The following FAAH2 variants were observed in gnomAD, a reference collection of about 807,000 sequenced individuals.
The protein encoded by FAAH2 is fatty acid amide hydrolase 2.
FAAH2 carries 60 observed loss-of-function variants against 36.9 expected under a neutral mutation model. That is an observed-to-expected ratio of 1.63 (90% confidence interval 1.32 to 2.02). The LOEUF (loss-of-function observed/expected upper bound fraction) is 2.02. Ranked by LOEUF, FAAH2 falls within the 30% of genes most tolerant of loss-of-function variation. The pLI, the probability that FAAH2 is intolerant of heterozygous loss-of-function variation, is 0.00. For synonymous variants in FAAH2, 214 were observed against 143.8 expected, an observed-to-expected ratio of 1.49 and a Z score of -3.49; for missense variants, 689 against 397.5, an observed-to-expected ratio of 1.73 and a Z score of -6.23.
At chrX:57,225,462 T>A in the FAAH2 span, among the ~76,000 whole-genome samples, 3 of 112,217 alleles carry the variant, frequency 2.7e-5, no homozygotes, top group African/African-American at 9.7e-5. Context: ...AAAGTCCTTT[T>A]GGAGTTCATT....
At chrX:57,419,806 T>G (rs1188800940) in intron 7 of FAAH2, among the ~76,000 whole-genome samples, 1 of 111,978 alleles carries the variant, frequency 8.9e-6, no homozygotes, top group East Asian at 2.8e-4. Context: ...GCCTATGTCC[T>G]GAATGGTAAT....
Position 57,384,823 on chromosome X carries a change from G to A in FAAH2, c.996+3794G>A, listed in dbSNP as rs181183543. 2.2e-4 allele frequency among the ~76,000 whole-genome samples: 24 copies of A among 111,399 alleles called. No homozygotes were observed. In the East Asian group the frequency reaches 6.5e-3, roughly 30 times the overall value. ...CATTTGACCCAGCCATCCCATTAGT[G>A]GGTATATACCCATAAAGACACATGC... On this transcript the variant is annotated intron_variant, in intron 7 of 10. Coordinates refer to ENST00000374900, the MANE Select transcript of FAAH2 (RefSeq NM_174912.4).
chrX:57,282,476 T>C (rs890395906), upstream of FAAH2, among the ~76,000 whole-genome samples: 3 of 111,907 alleles, frequency 2.7e-5, no homozygotes, highest in African/African-American at 9.8e-5. Flanking sequence ...TGTTTGATGT[T>C]TGTGAATATT....
the FAAH2 span, among the ~76,000 whole-genome samples, chrX:57,196,156 T>C: frequency 1.8e-5 from 2 of 112,284 alleles, no homozygotes; most frequent in Non-Finnish European, 3.8e-5. Context: ...GGTATTTTGA[T>C]GGGAATTGCA....
At chrX:57,248,276 T>C in the FAAH2 span, among the ~76,000 whole-genome samples, 25 of 112,216 alleles carry the variant, frequency 2.2e-4, no homozygotes, top group Middle Eastern at 4.6e-3. Context: ...ATTTTCTGCA[T>C]TTGTTTTTTA....
chrX:57,454,034 C>T (rs911235743), intron 10 of FAAH2, among the ~76,000 whole-genome samples: 1 of 111,031 alleles, frequency 9.0e-6, no homozygotes, highest in Admixed American at 9.6e-5. Flanking sequence ...TCCTCCAAAG[C>T]CCAGGAGCCA....
the FAAH2 span, among the ~76,000 whole-genome samples, chrX:57,210,609 C>T: frequency 2.7e-5 from 3 of 112,293 alleles, no homozygotes; most frequent in Admixed American, 2.8e-4. Context: ...CTTACTCAAC[C>T]TTTCAAAGAG....
chrX:57,182,442 A>G, the FAAH2 span, among the ~76,000 whole-genome samples: 1 of 112,089 alleles, frequency 8.9e-6, no homozygotes, highest in African/African-American at 3.2e-5. Flanking sequence ...GCATGCAGCC[A>G]ACAAGCATAT....
chrX:57,476,418 T>C (rs2057269252), intron 10 of FAAH2, among the ~76,000 whole-genome samples: 1 of 111,732 alleles, frequency 8.9e-6, no homozygotes, highest in Non-Finnish European at 1.9e-5. Context: ...GGGTGTTGAA[T>C]TTTATCAAAG....
intron 10 of FAAH2, among the ~76,000 whole-genome samples, chrX:57,449,872 G>A (rs2056752807): frequency 9.0e-6 from 1 of 111,304 alleles, no homozygotes; most frequent in Non-Finnish European, 1.9e-5. Flanking sequence ...CACCATGTTG[G>A]CCAGGCTGGT....
intron 7 of FAAH2, among the ~76,000 whole-genome samples, chrX:57,411,686 G>A (rs1350407652): frequency 9.0e-6 from 1 of 111,529 alleles, no homozygotes; most frequent in East Asian, 2.8e-4. Flanking sequence ...ATTCTGCATG[G>A]CCGGGGAAGC....
chrX:57,441,205 G>A (rs1394309063), intron 8 of FAAH2, among the ~76,000 whole-genome samples: 1 of 111,421 alleles, frequency 9.0e-6, no homozygotes, highest in Non-Finnish European at 1.9e-5. Flanking sequence ...TGTACCTCTG[G>A]TAGAATTCGG....
At chrX:57,347,604 G>GTTTTTTTTTTTTTTTTTTTTTTT (rs61323098) in intron 5 of FAAH2, among the ~76,000 whole-genome samples, 2 of 77,886 alleles carry the variant, frequency 2.6e-5, no homozygotes, top group African/African-American at 1.3e-4. Context: ...GGGATGCTAA[G>GTTTTTTTTTTTTTTTTTTTTTTT]TTTTTTTTTT....
chrX:57,175,446 A>G, the FAAH2 span, among the ~76,000 whole-genome samples: 1 of 111,645 alleles, frequency 9.0e-6, no homozygotes, highest in African/African-American at 3.2e-5. Context: ...TTTACCTTGA[A>G]TCCATAAGAA....
At chrX:57,488,395 C>T (rs924616966) in intron 10 of FAAH2, among the ~76,000 whole-genome samples, 5 of 111,404 alleles carry the variant, frequency 4.5e-5, no homozygotes, top group Non-Finnish European at 9.4e-5. Flanking sequence ...TCTGAAAGTG[C>T]TATGGAAAAC....
At chrX:57,261,844 G>A in the FAAH2 span, among the ~76,000 whole-genome samples, 2 of 111,110 alleles carry the variant, frequency 1.8e-5, no homozygotes, top group Non-Finnish European at 1.9e-5. Context: ...TAATTAAGAT[G>A]AGAAATAACA....
At chrX:57,479,635 G>A (rs747361419) in intron 10 of FAAH2, among the ~76,000 whole-genome samples, 2 of 111,410 alleles carry the variant, frequency 1.8e-5, no homozygotes, top group African/African-American at 6.5e-5. Context: ...GTCATAGATA[G>A]CTCTTATTAT....
At chrX:57,304,137 G>A (rs2052454569) in intron 2 of FAAH2, among the ~76,000 whole-genome samples, 1 of 111,834 alleles carries the variant, frequency 8.9e-6, no homozygotes, top group African/African-American at 3.3e-5. Flanking sequence ...AGCCCAGGAG[G>A]TGGAGGTTGC....
At chrX:57,436,254 CT>C (rs1367274868) in intron 8 of FAAH2, among the ~76,000 whole-genome samples, 1 of 109,960 alleles carries the variant, frequency 9.1e-6, no homozygotes, top group African/African-American at 3.3e-5. Context: ...AATGCCTATA[CT>C]AAAAAAGTAG....
Sources: allele counts gnomAD v4.1 joint callset (sites outside exome capture counted in the v4.1 genomes callset), GRCh38; gene constraint gnomAD v4.1.1; transcripts MANE v1.5; gene names NCBI Gene and HGNC (gene_info 2026-07-23, HGNC 2026-07-21).